The following CAMSAP2 variants were observed in gnomAD, a reference collection of about 807,000 sequenced individuals.
CAMSAP2 encodes the protein calmodulin-regulated spectrin-associated protein 2.
In CAMSAP2, 26 loss-of-function variants were observed where a neutral mutation model predicts 146.1. The observed-to-expected ratio is 0.18, with a 90% CI of 0.13 to 0.25. The LOEUF is 0.25. Among genes scored for constraint, CAMSAP2 ranks in the 10% least tolerant of loss-of-function variants. CAMSAP2 has a pLI of 1.00. For missense variants in CAMSAP2, 1,381 were observed against 1,759.3 expected (o/e 0.78, Z 3.85); for synonymous variants, 499 against 596.6 (o/e 0.84, Z 2.38).
chr1:200,854,820 C>G lies in CAMSAP2; in HGVS notation c.3827C>G (p.Ser1276Cys). The G allele has an allele frequency of 6.2e-7, 1 of 1,609,304 alleles. No homozygotes were observed. The highest frequency in any genetic ancestry group is 8.5e-7 in the Non-Finnish European group (1 of 1,178,056). Residue 1276 changes from serine (S) to cysteine (C), a missense_variant, in exon 14 of 17, where the codon TCT (serine) becomes TGT (cysteine). This residue lies in a region of CAMSAP2 where 560 missense variants were observed against 715.9 expected (regional missense o/e 0.78). Coordinates refer to ENST00000358823, the MANE Select transcript of CAMSAP2 (RefSeq NM_203459.4). ...PKTPIKGPPV[S>C]SLSLASLNTG... is the part of the protein sequence containing the mutation. ...TGAATTTATCGTGTTTTTTCAGTCT[C>G]TAGCCTTTCTTTGGCATCGCTGAAC...
intron 1 of CAMSAP2, among the ~76,000 whole-genome samples, chr1:200,744,656 G>A (rs1173073818): frequency 2.6e-5 from 4 of 152,228 alleles, no homozygotes; most frequent in Non-Finnish European, 5.9e-5. Context: ...GCGTTAGGAT[G>A]CGGTGGGGTG....
chr1:200,847,145 A>G (rs1184115425), intron 8 of CAMSAP2, 65 bp from the exon 9 acceptor site: 1 of 1,175,662 alleles, frequency 8.5e-7, no homozygotes, highest in African/African-American at 1.5e-5. Context: ...CTAACTTAAG[A>G]CATTCTACCT....
At chr1:200,760,683 GT>G (rs901165339) in intron 1 of CAMSAP2, among the ~76,000 whole-genome samples, 155 bp from the exon 2 acceptor site, 1 of 152,152 alleles carries the variant, frequency 6.6e-6, no homozygotes, top group Admixed American at 6.5e-5. Flanking sequence ...CAGAGTATAT[GT>G]CAAAGTTTAA....
intron 1 of CAMSAP2, among the ~76,000 whole-genome samples, chr1:200,758,583 C>T (rs1664711538): frequency 6.6e-6 from 1 of 152,188 alleles, no homozygotes; most frequent in Admixed American, 6.5e-5. Flanking sequence ...TCACCAAAAT[C>T]CCAAATTGAT....
At position 200,814,157 on chromosome 1, in the gene CAMSAP2, A is replaced by G. The variant is rs775808979; in HGVS notation, c.562-1404A>G. Reference sequence around the variant, plus strand: ...GGGGGGAGGGGTGGGCGGGTGGGGAATGAAAATACTACAAAACAAACAAAT... The same window carrying G: ...GGGGGGAGGGGTGGGCGGGTGGGGAGTGAAAATACTACAAAACAAACAAAT... On this transcript the variant is annotated intron_variant, in intron 3 of 16. Coordinates refer to ENST00000358823, the MANE Select transcript of CAMSAP2 (RefSeq NM_203459.4). Among the ~76,000 whole-genome samples, 719 of 129,336 alleles carry G rather than the reference A, an allele frequency of 5.6e-3. 6 individuals are homozygous for G. Among genetic ancestry groups the G allele is most frequent in the Middle Eastern group, 0.029 (7 of 244 alleles). 84.8% of individuals were successfully genotyped at this position (129,336 alleles called of 152,430 possible).
rs1214542973 is a variant in CAMSAP2 at position 200,739,731 on chromosome 1, T to A, written c.-97T>A. On this transcript the variant is annotated 5_prime_UTR_variant, in exon 1 of 17. Coordinates refer to ENST00000358823, the MANE Select transcript of CAMSAP2 (RefSeq NM_203459.4). This position sits in a 1 kb window ranked among gnomAD's most constrained non-coding sequence, Gnocchi z 4.8. Reference sequence around the variant, plus strand: ...GCGGACATCGCCCGGGCCCCGATGGTTTGAGCTTGCTTCTCCCTCCCTCCC... The same window carrying A: ...GCGGACATCGCCCGGGCCCCGATGGATTGAGCTTGCTTCTCCCTCCCTCCC... 2 of 1,215,538 alleles carry A rather than the reference T, an allele frequency of 1.6e-6. No homozygotes were observed. Among genetic ancestry groups the A allele is most frequent in the African/African-American group, 3.1e-5 (2 of 64,446 alleles). The allele number at this position is 1,215,538 out of a possible 1,614,324, so 75.3% of individuals were successfully genotyped here.
At chr1:200,748,224 C>A (rs1039244085) in intron 1 of CAMSAP2, among the ~76,000 whole-genome samples, 20 of 152,164 alleles carry the variant, frequency 1.3e-4, no homozygotes, top group South Asian at 1.2e-3. Context: ...AATCTTGATT[C>A]ATCTCTAAAC....
Position 200,832,635 on chromosome 1 carries a change from A to C in CAMSAP2, c.788-71A>C, listed in dbSNP as rs1041686719. The C allele has an allele frequency of 3.9e-6, 5 of 1,284,078 alleles. No individual in the cohort carries two copies. In the African/African-American group the frequency reaches 7.5e-5, roughly 19 times the overall value. 79.5% of individuals were successfully genotyped at this position (1,284,078 alleles called of 1,614,324 possible). On this transcript the variant is annotated intron_variant, in intron 5 of 16. Transcript: ENST00000358823. This position sits in a 1 kb window ranked among gnomAD's most constrained non-coding sequence, Gnocchi z 4.2. ...CCAGAATTGTGTATTTGTACTAATT[A>C]CAAGATGGATATGAAATATTTATTA...
intron 11 of CAMSAP2, 29 bp downstream of exon 11, chr1:200,850,263 C>T: frequency 1.3e-6 from 2 of 1,516,114 alleles, no homozygotes; most frequent in Non-Finnish European, 1.8e-6. Flanking sequence ...TAGTTTTGGG[C>T]ATCTTCATTA....
chr1:200,811,014 A>G (rs1269689521), intron 3 of CAMSAP2, among the ~76,000 whole-genome samples: 1 of 152,212 alleles, frequency 6.6e-6, no homozygotes, highest in Admixed American at 6.5e-5. Flanking sequence ...CTATTTCGTT[A>G]GCCTGCTCTT....
At chr1:200,741,316 C>G (rs1428397583) in intron 1 of CAMSAP2, among the ~76,000 whole-genome samples, 6 of 152,178 alleles carry the variant, frequency 3.9e-5, no homozygotes, top group Admixed American at 3.3e-4. Context: ...TTAAACATCT[C>G]TTTGAAATTG....
intron 4 of CAMSAP2, among the ~76,000 whole-genome samples, chr1:200,816,912 G>GTA (rs761205381): frequency 2.1e-5 from 1 of 47,670 alleles, no homozygotes; most frequent in African/African-American, 1.1e-4. Context: ...ACACACGCGT[G>GTA]TGTATGTGTG....
intron 2 of CAMSAP2, among the ~76,000 whole-genome samples, chr1:200,787,212 G>A (rs758097669): frequency 6.6e-6 from 1 of 152,124 alleles, no homozygotes; most frequent in African/African-American, 2.4e-5. Context: ...CATTTTCTAA[G>A]TATATATCTG....
intron 2 of CAMSAP2, among the ~76,000 whole-genome samples, chr1:200,776,396 C>T (rs1665279740): frequency 6.6e-6 from 1 of 152,206 alleles, no homozygotes; most frequent in Non-Finnish European, 1.5e-5. Context: ...GCCAGATTGG[C>T]CTAGAACCAA....
At chr1:200,769,191 G>A (rs1171579652) in intron 2 of CAMSAP2, among the ~76,000 whole-genome samples, 1 of 152,014 alleles carries the variant, frequency 6.6e-6, no homozygotes, top group Non-Finnish European at 1.5e-5. Context: ...GTTCCTCCTA[G>A]TGCTTTTGAA....
At chr1:200,743,940 CAATAAATA>C (rs57009637) in intron 1 of CAMSAP2, among the ~76,000 whole-genome samples, 63,778 of 147,572 alleles carry the variant, frequency 0.43, 14,829 homozygotes, top group Non-Finnish European at 0.54. Flanking sequence ...GACTCTGTCT[CAATAAATA>C]AATAAATAAA....
At chr1:200,846,872 G>T (rs1237588982) in intron 8 of CAMSAP2, among the ~76,000 whole-genome samples, 1 of 152,142 alleles carries the variant, frequency 6.6e-6, no homozygotes, top group African/African-American at 2.4e-5. Flanking sequence ...ATAGTTTTTA[G>T]AGATTAGATT....
intron 13 of CAMSAP2, among the ~76,000 whole-genome samples, chr1:200,854,367 A>G (rs1327616875): frequency 6.6e-6 from 1 of 152,194 alleles, no homozygotes. Context: ...AATGCCATGG[A>G]AATTTTTTAG....
intron 2 of CAMSAP2, among the ~76,000 whole-genome samples, chr1:200,784,109 C>T (rs561901038): frequency 2.0e-5 from 3 of 152,010 alleles, no homozygotes; most frequent in Non-Finnish European, 2.9e-5. Flanking sequence ...CATTGACTGA[C>T]GTCGACACCT....
Sources: allele counts gnomAD v4.1 joint callset (sites outside exome capture counted in the v4.1 genomes callset), GRCh38; gene constraint gnomAD v4.1.1; regional missense constraint gnomAD v4.1.1; non-coding constraint Gnocchi (gnomAD v3.1); transcripts MANE v1.5; gene names NCBI Gene and HGNC (gene_info 2026-07-23, HGNC 2026-07-21).